ZNF430: variants seen among roughly 807,000 people sequenced by gnomAD.
The protein encoded by ZNF430 is zinc finger protein 430.
Under a neutral mutation model 56.7 loss-of-function variants are expected in ZNF430, and 35 were observed. That is an observed-to-expected ratio of 0.62 (90% CI 0.47 to 0.82). The LOEUF is 0.82. Ranked by LOEUF, ZNF430 falls within the 40% of genes least tolerant of loss-of-function variation. The probability of loss-of-function intolerance (pLI) is 0.00; values close to 1 mark genes in which losing one functional copy is unlikely to be tolerated. For synonymous variants in ZNF430, 212 were observed against 224.3 expected (o/e 0.94, Z 0.49); for missense variants, 574 against 661.0 (o/e 0.87, Z 1.44).
chr19:21,035,906 G>T (rs1967990179), intron 4 of ZNF430: 1 of 152,284 alleles, frequency 6.6e-6, no homozygotes, highest in African/African-American at 2.4e-5. Flanking sequence ...ATATATAATG[G>T]TCCTTATATC....
chr19:21,057,491 C>A lies in ZNF430; in HGVS notation c.1183C>A (p.His395Asn), dbSNP rs1568594467. 6.2e-7 allele frequency: 1 copy of A among 1,613,560 alleles called. No individual in the cohort carries two copies. The highest frequency in any genetic ancestry group is 8.5e-7 in the Non-Finnish European group (1 of 1,179,918). The change falls in exon 5 of 5, where the codon CAT becomes AAT. Residue 395 changes from histidine (H) to asparagine (N), a missense_variant. Coordinates refer to ENST00000261560, the MANE Select transcript of ZNF430 (RefSeq NM_025189.4). ...ATACCTTACTAAACATAAGATAATT[C>A]ATACTGGAGAGAAATTCTACAAATG... ...FSYLTKHKIIHTGEKFYKCEE... is the reference protein window; with the variant it reads ...FSYLTKHKIINTGEKFYKCEE...
At position 21,021,575 on chromosome 19, in the gene ZNF430, C is replaced by T. The variant is rs1967686756; in HGVS notation, c.3+772C>T. ...AAAGAGTGATTAAAAAACTGTTGAG[C>T]ACCCAGCTGTGGTTTGTAATTTGTT... On this transcript the variant is annotated intron_variant, in intron 1 of 4. Coordinates refer to ENST00000261560, the MANE Select transcript of ZNF430 (RefSeq NM_025189.4). Among the ~76,000 whole-genome samples, 4 of 152,174 alleles carry T rather than the reference C, an allele frequency of 2.6e-5. No homozygotes were observed. The South Asian group carries it at 8.3e-4, about 32-fold the overall frequency.
At chr19:21,034,988 A>T (rs913725784) in intron 4 of ZNF430, 2 of 152,206 alleles carry the variant, frequency 1.3e-5, no homozygotes, top group Non-Finnish European at 2.9e-5. Flanking sequence ...GTTTGAAATT[A>T]TAAAGCATCA....
chr19:21,020,840 G>A lies in ZNF430; in HGVS notation c.3+37G>A, dbSNP rs778540293. 1.4e-5 allele frequency: 23 copies of A among 1,613,388 alleles called. No homozygotes were observed. In the African/African-American group the frequency reaches 2.8e-4, roughly 20 times the overall value. On this transcript the variant is annotated intron_variant, in intron 1 of 4. Coordinates refer to ENST00000261560, the MANE Select transcript of ZNF430 (RefSeq NM_025189.4). The stretch of plus-strand genomic sequence containing the variant: ...GGGTCCGACATCCCCAGAGAGGGGA[G>A]GGGCTGGTTGTAATGGGTGGGAAGT...
intron 2 of ZNF430, among the ~76,000 whole-genome samples, chr19:21,024,717 T>A (rs1967760091): frequency 6.6e-6 from 1 of 151,002 alleles, no homozygotes; most frequent in Non-Finnish European, 1.5e-5. Context: ...GAGGTGGAGC[T>A]GGCAGTGAGC....
intron 4 of ZNF430, among the ~76,000 whole-genome samples, chr19:21,039,072 C>G (rs932024105): frequency 1.1e-4 from 16 of 152,152 alleles, no homozygotes; most frequent in African/African-American, 3.6e-4. Flanking sequence ...GCCTCAGCCT[C>G]CTGAGTAGCT....
chr19:21,030,219 A>C (rs193298483), intron 2 of ZNF430, among the ~76,000 whole-genome samples: 1 of 152,192 alleles, frequency 6.6e-6, no homozygotes, highest in Non-Finnish European at 1.5e-5. Context: ...AAATTTCTCT[A>C]AACTACATTA....
At chr19:21,033,637 A>G in intron 3 of ZNF430, 55 bp downstream of exon 3, 1 of 1,495,280 alleles carries the variant, frequency 6.7e-7, no homozygotes, top group South Asian at 1.3e-5. Context: ...TTCATTTCTC[A>G]TTTTTTGAGA....
intron 4 of ZNF430, among the ~76,000 whole-genome samples, chr19:21,045,899 C>G (rs1968180064): frequency 6.6e-6 from 1 of 152,110 alleles, no homozygotes; most frequent in African/African-American, 2.4e-5. Context: ...TTCCTCCATT[C>G]CTTCATTTTA....
intron 4 of ZNF430, chr19:21,036,408 T>A (rs986472609): frequency 7.2e-5 from 11 of 152,282 alleles, no homozygotes; most frequent in African/African-American, 2.6e-4. Context: ...AGAGAAACAC[T>A]TTTGTAATTT....
intron 2 of ZNF430, among the ~76,000 whole-genome samples, chr19:21,033,022 C>G (rs1967930802): frequency 6.6e-6 from 1 of 152,076 alleles, no homozygotes; most frequent in Admixed American, 6.6e-5. Context: ...ATTCTCTTCT[C>G]TCAGAGTTAG....
At chr19:21,038,508 ACCT>A (rs948240013) in intron 4 of ZNF430, among the ~76,000 whole-genome samples, 2 of 151,756 alleles carry the variant, frequency 1.3e-5, no homozygotes, top group South Asian at 2.1e-4. Context: ...GCTCACTGCA[ACCT>A]CCTCCTCCTG....
chr19:21,050,000 A>T lies in ZNF430; in HGVS notation c.323-6631A>T, dbSNP rs796474681. Among the ~76,000 whole-genome samples, 4 of 2,058 alleles carry T rather than the reference A, an allele frequency of 1.9e-3. No homozygotes were observed. In the East Asian group the frequency reaches 0.025, roughly 13 times the overall value. The allele number at this position is 2,058 out of a possible 152,430, so 1.4% of individuals were successfully genotyped here. A position where few individuals can be genotyped will look rare whatever the true frequency, so the allele number is the denominator to read the frequency against. Reference sequence around the variant, plus strand: ...AGTGCGGTGGCTCGATCTCAGCCTCAGCCTCCCGAGTAGCTGGGACCACAG... The same window carrying T: ...AGTGCGGTGGCTCGATCTCAGCCTCTGCCTCCCGAGTAGCTGGGACCACAG... On this transcript the variant is annotated intron_variant, in intron 4 of 4. Transcript: ENST00000261560.
Position 21,034,122 on chromosome 19 carries a change from G to C in ZNF430, c.260G>C (p.Cys87Ser), listed in dbSNP as rs1037532107. The C allele has an allele frequency of 1.2e-6, 2 of 1,613,328 alleles. No homozygotes were observed. Among genetic ancestry groups the C allele is most frequent in the South Asian group, 2.2e-5 (2 of 90,928 alleles). The change falls in exon 4 of 5, where the codon TGT becomes TCT. Residue 87 changes from cysteine (C) to serine (S), a missense_variant. Transcript: ENST00000261560. ...GTTTCTAAGCCAGACCTGATCACCT[G>C]TCTAGAGCAAGGAAAAGAGCCCTGG... ...IAVSKPDLITCLEQGKEPWNM... is the reference protein window; with the variant it reads ...IAVSKPDLITSLEQGKEPWNM...
chr19:21,029,791 C>T (rs1013453053), intron 2 of ZNF430, among the ~76,000 whole-genome samples: 1 of 152,066 alleles, frequency 6.6e-6, no homozygotes, highest in South Asian at 2.1e-4. Context: ...ATGGTGAAAC[C>T]CCGTCTCTAC....
intron 4 of ZNF430, among the ~76,000 whole-genome samples, chr19:21,042,782 A>G (rs2164987): frequency 0.81 from 122,312 of 151,218 alleles, 51,818 homozygotes; most frequent in Middle Eastern, 0.93. Context: ...GTGAGACTCC[A>G]TCTAAAAAAA....
Position 21,058,096 on chromosome 19 carries a change from A to G in ZNF430, c.*75A>G, listed in dbSNP as rs1968414511. On this transcript the variant is annotated 3_prime_UTR_variant, in exon 5 of 5. Coordinates refer to ENST00000261560, the MANE Select transcript of ZNF430 (RefSeq NM_025189.4). ...AACATTCATACTGAAGAGGAACCCT[A>G]TGAGTGTGAAGAATATGGCAAAGCC... 3 of 1,350,436 alleles carry G rather than the reference A, an allele frequency of 2.2e-6. No individual in the cohort carries two copies. Among genetic ancestry groups the G allele is most frequent in the Non-Finnish European group, 3.0e-6 (3 of 988,046 alleles). The allele number at this position is 1,350,436 out of a possible 1,614,324, so 83.7% of individuals were successfully genotyped here.
At chr19:21,033,278 C>T (rs1262976189) in intron 2 of ZNF430, among the ~76,000 whole-genome samples, 178 bp from the exon 3 acceptor site, 5 of 151,266 alleles carry the variant, frequency 3.3e-5, no homozygotes, top group Admixed American at 1.3e-4. Flanking sequence ...CGCTTGACGC[C>T]GGGATGCAGA....
In ZNF430 at chr19:21,044,228, T is replaced by C. The variant is rs537080517; in HGVS notation, c.322+10044T>C. Reference sequence around the variant, plus strand: ...ATACTGGCTGTGGGTTCATCATAAATGACTCTTATTATTTTGAGGTATGTT... The same window carrying C: ...ATACTGGCTGTGGGTTCATCATAAACGACTCTTATTATTTTGAGGTATGTT... On this transcript the variant is annotated intron_variant, in intron 4 of 4. Coordinates refer to ENST00000261560, the MANE Select transcript of ZNF430 (RefSeq NM_025189.4). 3.9e-5 allele frequency among the ~76,000 whole-genome samples: 6 copies of C among 152,192 alleles called. No individual in the cohort carries two copies. The South Asian group carries it at 1.2e-3, about 32-fold the overall frequency.
Sources: gnomAD v4.1 joint callset for allele counts (sites outside exome capture counted in the v4.1 genomes callset) on GRCh38, gnomAD v4.1.1 for gene constraint, MANE v1.5 for transcripts, NCBI Gene and HGNC (gene_info 2026-07-23, HGNC 2026-07-21) for gene names.